The following USH2A variants were observed in gnomAD, a reference collection of about 807,000 sequenced individuals.
USH2A encodes the protein usherin.
USH2A carries 443 observed loss-of-function variants against 538.9 expected under a neutral mutation model. The ratio of observed to expected loss-of-function variants is 0.82; its 90% confidence interval spans 0.76 to 0.89. The LOEUF (loss-of-function observed/expected upper bound fraction) is 0.89. Among genes scored for constraint, USH2A ranks in the 40% least tolerant of loss-of-function variants. The pLI is 0.00. For synonymous variants in USH2A, 2,413 were observed against 2,273.5 expected, an observed-to-expected ratio of 1.06 and a Z score of -1.75; for missense variants, 6,633 against 6,324.8, an observed-to-expected ratio of 1.05 and a Z score of -1.65.
intron 32 of USH2A, among the ~76,000 whole-genome samples, chr1:216,010,222 T>C (rs868021661): frequency 1.3e-5 from 2 of 152,290 alleles, no homozygotes; most frequent in East Asian, 1.9e-4. Context: ...AACTTCCAAA[T>C]GCCTGAACTG....
At chr1:216,160,332 A>G (rs568181996) in intron 21 of USH2A, among the ~76,000 whole-genome samples, 2 of 152,258 alleles carry the variant, frequency 1.3e-5, no homozygotes, top group East Asian at 1.9e-4. Context: ...ATGTTTTTAT[A>G]TGTATTAAGG....
chr1:216,028,746 A>T (rs1162230678), intron 32 of USH2A, among the ~76,000 whole-genome samples: 1 of 152,120 alleles, frequency 6.6e-6, no homozygotes, highest in African/African-American at 2.4e-5. Flanking sequence ...AGAATATATC[A>T]TTTTAAATAA....
intron 15 of USH2A, among the ~76,000 whole-genome samples, chr1:216,212,836 T>C (rs1334371416): frequency 6.6e-6 from 1 of 152,080 alleles, no homozygotes; most frequent in Admixed American, 6.6e-5. Flanking sequence ...ATCCCAAGAA[T>C]TATAAATGGC....
In USH2A at chr1:215,826,818, T is replaced by C. The variant is rs551583034; in HGVS notation, c.9372-9623A>G. Among the ~76,000 whole-genome samples the C allele has an allele frequency of 2.6e-5, 4 of 152,154 alleles. No homozygotes were observed. In the South Asian group the frequency reaches 8.3e-4, roughly 32 times the overall value. The stretch of plus-strand genomic sequence containing the variant: ...AAAATGGTTATATAAACTTAAACGA[T>C]GAAAACATGAACCAGGGTGGTAGTG... On this transcript the variant is annotated intron_variant, in intron 47 of 71. Transcript: ENST00000307340.
chr1:215,671,571 T>C (rs2102661883), intron 63 of USH2A, among the ~76,000 whole-genome samples: 1 of 152,172 alleles, frequency 6.6e-6, no homozygotes, highest in Admixed American at 6.5e-5. Context: ...ACAATCAAAA[T>C]CCCCCTGGCT....
At chr1:215,689,806 T>C (rs1280891723) in intron 61 of USH2A, among the ~76,000 whole-genome samples, 1 of 152,156 alleles carries the variant, frequency 6.6e-6, no homozygotes, top group Non-Finnish European at 1.5e-5. Context: ...TAAATGTTTC[T>C]CCATTCAAAC....
At chr1:216,077,836 T>A (rs1184777274) in intron 27 of USH2A, among the ~76,000 whole-genome samples, 1 of 151,398 alleles carries the variant, frequency 6.6e-6, no homozygotes, top group East Asian at 1.9e-4. Context: ...TGTATATTAA[T>A]TACTATTTAC....
In USH2A at chr1:215,791,725, G is replaced by A. The variant is rs892162247; in HGVS notation, c.9959-1443C>T. Among the ~76,000 whole-genome samples, 3 of 152,124 alleles carry A rather than the reference G, an allele frequency of 2.0e-5. No homozygotes were observed. The South Asian group carries it at 6.2e-4, about 32-fold the overall frequency. ...AAAAGTTATCTCAAATTAATACAAA[G>A]AGCAGGGCTCATTTTAGTCTGAGTC... On this transcript the variant is annotated intron_variant, in intron 50 of 71. Transcript: ENST00000307340.
At chr1:215,625,941 T>TATC (rs1656008291) in intron 71 of USH2A, 71 bp from the exon 72 acceptor site, 1 of 1,444,734 alleles carries the variant, frequency 6.9e-7, no homozygotes, top group African/African-American at 1.4e-5. Flanking sequence ...TTTATAGTTA[T>TATC]ATCAATTAAG....
chr1:216,001,973 T>C (rs369077488), intron 32 of USH2A, among the ~76,000 whole-genome samples: 64 of 152,170 alleles, frequency 4.2e-4, no homozygotes, highest in African/African-American at 1.5e-3. Context: ...TGGTTGCAAG[T>C]TGAGATGGGG....
At chr1:216,364,254 C>T (rs2038550730) in intron 4 of USH2A, among the ~76,000 whole-genome samples, 1 of 151,962 alleles carries the variant, frequency 6.6e-6, no homozygotes, top group East Asian at 1.9e-4. Context: ...TTCTCAGGTT[C>T]CATCTAATAC....
intron 21 of USH2A, among the ~76,000 whole-genome samples, chr1:216,168,149 A>G (rs2034206360): frequency 6.6e-6 from 1 of 152,192 alleles, no homozygotes; most frequent in Admixed American, 6.6e-5. Flanking sequence ...TGCTAGTTTC[A>G]CTACCATTGC....
intron 67 of USH2A, among the ~76,000 whole-genome samples, chr1:215,640,977 T>C (rs1301258899): frequency 6.6e-6 from 1 of 152,082 alleles, no homozygotes; most frequent in Non-Finnish European, 1.5e-5. Flanking sequence ...TCAGCAACTT[T>C]ATGCCTGCTT....
chr1:215,692,268 T>C (rs4420062), intron 61 of USH2A, among the ~76,000 whole-genome samples: 29,559 of 151,792 alleles, frequency 0.19, 3,157 homozygotes, highest in South Asian at 0.47. Flanking sequence ...AATAGTAATA[T>C]ATTCTTTTGA....
chr1:216,083,606 T>C lies in USH2A; in HGVS notation c.5168-20A>G. 1 of 1,610,260 alleles carries C rather than the reference T, an allele frequency of 6.2e-7. No individual in the cohort carries two copies. Among genetic ancestry groups the C allele is most frequent in the East Asian group, 2.2e-5 (1 of 44,696 alleles). On this transcript the variant is annotated intron_variant, in intron 25 of 71. Transcript: ENST00000307340. Reference sequence around the variant, plus strand: ...GGAACCCTTTAAAGATAAAAATATGTACATATTAGCATGTGTAACACAATA... The same window carrying C: ...GGAACCCTTTAAAGATAAAAATATGCACATATTAGCATGTGTAACACAATA...
At position 216,411,218 on chromosome 1, in the gene USH2A, A is replaced by G. The variant is rs530396773; in HGVS notation, c.651+7296T>C. On this transcript the variant is annotated intron_variant, in intron 3 of 71. Transcript: ENST00000307340. Reference sequence around the variant, plus strand: ...ACTTTGGTTTTTTAGTCTATGTAACATATTTCTTTTTATACAAGGGCATTT... The same window carrying G: ...ACTTTGGTTTTTTAGTCTATGTAACGTATTTCTTTTTATACAAGGGCATTT... Among the ~76,000 whole-genome samples, 5 of 152,168 alleles carry G rather than the reference A, an allele frequency of 3.3e-5. No homozygotes were observed. In the East Asian group the frequency reaches 9.7e-4, roughly 29 times the overall value.
At chr1:215,708,827 G>A (rs952329516) in intron 61 of USH2A, among the ~76,000 whole-genome samples, 1 of 152,072 alleles carries the variant, frequency 6.6e-6, no homozygotes, top group Non-Finnish European at 1.5e-5. Flanking sequence ...ACTGGTCTGC[G>A]TCCCCGGGGT....
At chr1:215,761,355 C>G (rs183274093) in intron 56 of USH2A, among the ~76,000 whole-genome samples, 18 of 152,304 alleles carry the variant, frequency 1.2e-4, no homozygotes, top group Admixed American at 7.8e-4. Flanking sequence ...CCTAGTTTCT[C>G]TGTATCGCAT....
chr1:216,399,934 C>T (rs992461838), intron 3 of USH2A, among the ~76,000 whole-genome samples: 15 of 97,224 alleles, frequency 1.5e-4, no homozygotes, highest in African/African-American at 4.1e-4. Context: ...GTAAGGACAG[C>T]TTCTGAATAA....
Sources: allele counts gnomAD v4.1 joint callset (sites outside exome capture counted in the v4.1 genomes callset), GRCh38; gene constraint gnomAD v4.1.1; transcripts MANE v1.5; gene names NCBI Gene and HGNC (gene_info 2026-07-23, HGNC 2026-07-21).